Variants in RAPGEF4 observed in about 807,000 individuals in gnomAD.
RAPGEF4 encodes the protein RAP guanine-nucleotide-exchange factor (GEF) 4.
RAPGEF4 carries 66 observed loss-of-function variants against 147.9 expected under a neutral mutation model. The observed-to-expected ratio is 0.45, with a 90% CI of 0.37 to 0.55. The LOEUF (loss-of-function observed/expected upper bound fraction) is 0.55. RAPGEF4 is among the 20% of genes least tolerant of loss of function. The pLI, the probability that RAPGEF4 is intolerant of heterozygous loss-of-function variation, is 0.00. For missense variants in RAPGEF4, 1,071 were observed against 1,257.3 expected (o/e 0.85, Z 2.24); for synonymous variants, 419 against 442.7 (o/e 0.95, Z 0.67).
chr2:173,002,909 A>G (rs892139172), intron 17 of RAPGEF4, among the ~76,000 whole-genome samples: 5 of 152,238 alleles, frequency 3.3e-5, no homozygotes, highest in Non-Finnish European at 2.9e-5. Flanking sequence ...CTCGAGTAAA[A>G]TGAACAAATT....
chr2:173,037,341 C>T (rs1415392604), intron 29 of RAPGEF4, among the ~76,000 whole-genome samples: 1 of 152,184 alleles, frequency 6.6e-6, no homozygotes, highest in Non-Finnish European at 1.5e-5. Context: ...CTGCCTCAGC[C>T]TCCCTAGGTG....
intron 27 of RAPGEF4, among the ~76,000 whole-genome samples, chr2:173,035,532 A>T (rs1221313936): frequency 1.4e-5 from 2 of 147,490 alleles, no homozygotes. Flanking sequence ...AAAAAAAGGG[A>T]TCTCACTTGG....
chr2:173,016,600 G>A (rs1287486727), intron 19 of RAPGEF4, among the ~76,000 whole-genome samples, 163 bp downstream of exon 19: 2 of 152,188 alleles, frequency 1.3e-5, no homozygotes, highest in African/African-American at 2.4e-5. Flanking sequence ...AAGGCCAGAG[G>A]AACAGAAGGA....
rs946858846 is a variant in RAPGEF4, at chr2:172,850,170, A to G, written c.444+35745A>G. The stretch of plus-strand genomic sequence containing the variant: ...AATCTTAAAGATAAAAGCATCTGGA[A>G]TATGATCTTGATGTCTAAAATAAAA... On this transcript the variant is annotated intron_variant, in intron 4 of 30. Coordinates refer to ENST00000397081, the MANE Select transcript of RAPGEF4 (RefSeq NM_007023.4). Among the ~76,000 whole-genome samples, 3 of 152,302 alleles carry G rather than the reference A, an allele frequency of 2.0e-5. No homozygotes were observed. The East Asian group carries it at 5.8e-4, about 29-fold the overall frequency.
At chr2:172,841,022 C>A (rs756175287) in intron 4 of RAPGEF4, among the ~76,000 whole-genome samples, 3 of 152,232 alleles carry the variant, frequency 2.0e-5, no homozygotes, top group Non-Finnish European at 2.9e-5. Flanking sequence ...GTGTCCAAAA[C>A]TATTTTGAGA....
intron 1 of RAPGEF4, among the ~76,000 whole-genome samples, chr2:172,741,590 GA>G (rs983791409): frequency 6.7e-6 from 1 of 149,738 alleles, no homozygotes; most frequent in Non-Finnish European, 1.5e-5. Context: ...ACCCACCTTT[GA>G]AAAAAAAACT....
intron 4 of RAPGEF4, among the ~76,000 whole-genome samples, chr2:172,911,728 G>A (rs555033712): frequency 2.0e-4 from 30 of 149,828 alleles, no homozygotes; most frequent in African/African-American, 6.9e-4. Context: ...CAAAATGTTG[G>A]GATTACAGAC....
At chr2:172,904,349 G>C (rs1421439224) in intron 4 of RAPGEF4, among the ~76,000 whole-genome samples, 1 of 152,242 alleles carries the variant, frequency 6.6e-6, no homozygotes, top group Non-Finnish European at 1.5e-5. Flanking sequence ...TCACTGGACT[G>C]TAGTAGATTC....
rs749934770 is a variant in RAPGEF4 at position 172,988,651 on chromosome 2, A to G, written c.1228-42A>G. The G allele has an allele frequency of 1.2e-5, 19 of 1,577,266 alleles. No individual in the cohort carries two copies. In the East Asian group the frequency reaches 3.8e-4, roughly 32 times the overall value. On this transcript the variant is annotated intron_variant, in intron 13 of 30. Transcript: ENST00000397081. The stretch of plus-strand genomic sequence containing the variant: ...GCAGGAGGTGGTGGGTGTTTGCTCT[A>G]TTTCAGGGATCTTCTTCATCTGTGT...
intron 2 of RAPGEF4, 93 bp from the exon 3 acceptor site, chr2:172,797,432 C>G: frequency 2.0e-6 from 2 of 992,336 alleles, no homozygotes; most frequent in Non-Finnish European, 3.1e-6. Flanking sequence ...TCAGTTAGGT[C>G]CAAGACATGC....
chr2:172,959,017 A>T (rs1333122263), intron 6 of RAPGEF4, among the ~76,000 whole-genome samples: 5 of 152,192 alleles, frequency 3.3e-5, no homozygotes, highest in African/African-American at 7.2e-5. Context: ...GGGAAAACTT[A>T]TCAATTTATT....
chr2:172,987,289 G>A (rs1290143829), intron 12 of RAPGEF4, among the ~76,000 whole-genome samples: 1 of 152,092 alleles, frequency 6.6e-6, no homozygotes, highest in Non-Finnish European at 1.5e-5. Context: ...GTGACAGAGT[G>A]AGACCCTGTC....
At chr2:172,892,719 C>T (rs1325797578) in intron 4 of RAPGEF4, among the ~76,000 whole-genome samples, 3 of 152,208 alleles carry the variant, frequency 2.0e-5, no homozygotes. Flanking sequence ...CCTTCCTTCC[C>T]TGTCTCACTT....
intron 4 of RAPGEF4, among the ~76,000 whole-genome samples, chr2:172,878,334 T>C (rs1696200165): frequency 6.6e-6 from 1 of 152,214 alleles, no homozygotes; most frequent in Non-Finnish European, 1.5e-5. Flanking sequence ...TCTAACCTTG[T>C]ACCTTACCTC....
chr2:172,958,071 C>T (rs941529939), intron 6 of RAPGEF4, among the ~76,000 whole-genome samples: 2 of 152,206 alleles, frequency 1.3e-5, no homozygotes, highest in Non-Finnish European at 2.9e-5. Flanking sequence ...AAACACTTAT[C>T]ACCAGTCCAG....
intron 1 of RAPGEF4, among the ~76,000 whole-genome samples, chr2:172,771,937 T>G (rs1439867429): frequency 6.6e-6 from 1 of 152,120 alleles, no homozygotes; most frequent in Non-Finnish European, 1.5e-5. Flanking sequence ...TTCCATCCAG[T>G]AGAAAGTAAT....
chr2:172,813,451 T>G (rs1444653223), intron 3 of RAPGEF4, among the ~76,000 whole-genome samples: 3 of 152,246 alleles, frequency 2.0e-5, no homozygotes, highest in African/African-American at 7.2e-5. Context: ...TATAAGCTAG[T>G]CACACCGTAC....
At chr2:172,887,536 T>G (rs1266131810) in intron 4 of RAPGEF4, among the ~76,000 whole-genome samples, 1 of 152,228 alleles carries the variant, frequency 6.6e-6, no homozygotes, top group African/African-American at 2.4e-5. Flanking sequence ...TAAACTTTTA[T>G]TGGAACACAG....
chr2:173,050,757 C>CAAAAA (rs34661805), intron 30 of RAPGEF4, among the ~76,000 whole-genome samples: 1 of 120,058 alleles, frequency 8.3e-6, no homozygotes, highest in African/African-American at 3.2e-5. Context: ...CATTTCTTAA[C>CAAAAA]AAAAAAAAAA....
Sources: gnomAD v4.1 joint callset for allele counts (sites outside exome capture counted in the v4.1 genomes callset) on GRCh38, gnomAD v4.1.1 for gene constraint, MANE v1.5 for transcripts, NCBI Gene and HGNC (gene_info 2026-07-23, HGNC 2026-07-21) for gene names.